ZNF76: variants seen among roughly 807,000 people sequenced by gnomAD.
ZNF76 encodes the protein zinc finger protein 523.
In ZNF76, 66 loss-of-function variants were observed where a neutral mutation model predicts 66.9. The ratio of observed to expected loss-of-function variants is 0.99; its 90% CI spans 0.81 to 1.21. The LOEUF is 1.21. Among genes scored for constraint, ZNF76 ranks in the 50% most tolerant of loss-of-function variants. The pLI is 0.00. For synonymous variants in ZNF76, 275 were observed against 296.1 expected (o/e 0.93, Z 0.73); for missense variants, 729 against 760.3 (o/e 0.96, Z 0.48).
chr6:35,286,245 A>G, intron 3 of ZNF76, 37 bp downstream of exon 3: 1 of 1,613,126 alleles, frequency 6.2e-7, no homozygotes, highest in South Asian at 1.1e-5. Flanking sequence ...TTGTCGAGGG[A>G]AGCCTGACAG....
Position 35,295,297 on chromosome 6 carries a change from A to C in ZNF76, c.*49A>C. 6.7e-7 allele frequency: 1 copy of C among 1,487,378 alleles called. No individual in the cohort carries two copies. The highest frequency in any genetic ancestry group is 9.2e-7 in the Non-Finnish European group (1 of 1,091,184). 92.1% of individuals were successfully genotyped at this position (1,487,378 alleles called of 1,614,324 possible). On this transcript the variant is annotated 3_prime_UTR_variant, in exon 14 of 14. Transcript: ENST00000373953. ...CCATGCTGGAGGAAGTGCCATCTGC[A>C]TGGCCACTCTTGCCCCCAAGGGCCC...
chr6:35,295,391 C>G lies in ZNF76; in HGVS notation c.*143C>G, dbSNP rs1306365034. 1.3e-6 allele frequency: 1 copy of G among 748,890 alleles called. No homozygotes were observed. Among genetic ancestry groups the G allele is most frequent in the Non-Finnish European group, 2.3e-6 (1 of 430,792 alleles). 46.4% of individuals were successfully genotyped at this position (748,890 alleles called of 1,614,324 possible). A position where few individuals can be genotyped will look rare whatever the true frequency, so the allele number is the denominator to read the frequency against. On this transcript the variant is annotated 3_prime_UTR_variant, in exon 14 of 14. Coordinates refer to ENST00000373953, the MANE Select transcript of ZNF76 (RefSeq NM_003427.5). ...GGTGAGAAGACAGCAAGAAAACTGC[C>G]TAACTGAAGGGAATGGGGGCCCTGC...
intron 13 of ZNF76, 27 bp downstream of exon 13, chr6:35,294,596 G>C (rs200254238): frequency 1.3e-5 from 19 of 1,492,752 alleles, no homozygotes; most frequent in Non-Finnish European, 1.8e-5. Context: ...GAGGAAAGGG[G>C]ATCCCACGGC....
In ZNF76 at chr6:35,292,813, A is replaced by T. The variant is rs117241970; in HGVS notation, c.1165+26A>T. On this transcript the variant is annotated intron_variant, in intron 10 of 13. Coordinates refer to ENST00000373953, the MANE Select transcript of ZNF76 (RefSeq NM_003427.5). This position sits in a 1 kb window ranked among gnomAD's most constrained non-coding sequence, Gnocchi z 4.7. Reference sequence around the variant, plus strand: ...GTAAGGGGAGTGGGCAGAGGGTGAGAGTGGGGACAAGCCAGGCCTCCCCAT... The same window carrying T: ...GTAAGGGGAGTGGGCAGAGGGTGAGTGTGGGGACAAGCCAGGCCTCCCCAT... 806 of 1,613,808 alleles carry T rather than the reference A, an allele frequency of 5.0e-4. 7 individuals are homozygous for T. In the East Asian group the frequency reaches 0.014, roughly 27 times the overall value.
intron 12 of ZNF76, 34 bp from the exon 13 acceptor site, chr6:35,294,422 C>G: frequency 4.3e-6 from 6 of 1,394,830 alleles, no homozygotes; most frequent in Non-Finnish European, 5.1e-6. Context: ...GAGTATACTG[C>G]AGGTGGAATG....
intron 4 of ZNF76, 132 bp downstream of exon 4, chr6:35,286,531 A>C (rs1297803513): frequency 1.2e-6 from 1 of 839,610 alleles, no homozygotes; most frequent in African/African-American, 1.7e-5. Context: ...TGGTACACAC[A>C]TGCTCACCTG....
At chr6:35,272,688 A>G (rs545517491) in intron 1 of ZNF76, among the ~76,000 whole-genome samples, 1 of 152,312 alleles carries the variant, frequency 6.6e-6, no homozygotes, top group South Asian at 2.1e-4. Context: ...ACACAGGTTG[A>G]AGTGCAGTGG....
chr6:35,268,728 G>T (rs1027234543), intron 1 of ZNF76, among the ~76,000 whole-genome samples: 8 of 148,716 alleles, frequency 5.4e-5, no homozygotes, highest in Middle Eastern at 3.6e-3. Context: ...AGCCAAGATC[G>T]CACCATTGCT....
At chr6:35,278,246 G>C (rs182516910) in intron 1 of ZNF76, among the ~76,000 whole-genome samples, 7 of 151,992 alleles carry the variant, frequency 4.6e-5, no homozygotes, top group African/African-American at 1.7e-4. Flanking sequence ...TCGGCTCACC[G>C]CAACCTCTGC....
intron 1 of ZNF76, among the ~76,000 whole-genome samples, chr6:35,262,925 C>T (rs1006853414): frequency 6.6e-6 from 1 of 152,132 alleles, no homozygotes; most frequent in African/African-American, 2.4e-5. Flanking sequence ...TTCCACAGGG[C>T]CTCCTCTTCC....
At chr6:35,291,212 G>A (rs1790325582) in intron 7 of ZNF76, 66 bp from the exon 8 acceptor site, 1 of 1,549,660 alleles carries the variant, frequency 6.5e-7, no homozygotes, top group South Asian at 1.2e-5. Context: ...TGTGCATGAG[G>A]TGGACGGTGG....
chr6:35,292,424 G>C lies in ZNF76; in HGVS notation c.932-130G>C, dbSNP rs895156697. ...CATCTTCCCCAACCCTGTCCATTCA[G>C]AGTCTCAGGTCTCAGTCCCTCTCCC... On this transcript the variant is annotated intron_variant, in intron 9 of 13. Coordinates refer to ENST00000373953, the MANE Select transcript of ZNF76 (RefSeq NM_003427.5). This position sits in a 1 kb window ranked among gnomAD's most constrained non-coding sequence, Gnocchi z 4.7. 1.7e-5 allele frequency: 15 copies of C among 878,080 alleles called. No individual in the cohort carries two copies. In the Admixed American group the frequency reaches 3.1e-4, roughly 18 times the overall value. 54.4% of individuals were successfully genotyped at this position (878,080 alleles called of 1,614,324 possible). A position where few individuals can be genotyped will look rare whatever the true frequency, so the allele number is the denominator to read the frequency against.
At chr6:35,267,841 A>C (rs1299710054) in intron 1 of ZNF76, among the ~76,000 whole-genome samples, 4 of 152,214 alleles carry the variant, frequency 2.6e-5, no homozygotes, top group African/African-American at 9.6e-5. Context: ...AAAGTCATCC[A>C]CTTAGCTGGA....
intron 1 of ZNF76, among the ~76,000 whole-genome samples, chr6:35,261,628 C>T (rs1274009021): frequency 6.6e-6 from 1 of 152,192 alleles, no homozygotes; most frequent in Admixed American, 6.5e-5. Flanking sequence ...ACTCCATTGC[C>T]TGTCTTTCCC....
At chr6:35,273,049 T>C (rs1787344919) in intron 1 of ZNF76, among the ~76,000 whole-genome samples, 1 of 151,668 alleles carries the variant, frequency 6.6e-6, no homozygotes, top group Non-Finnish European at 1.5e-5. Context: ...CCAGCTACTC[T>C]GGAGGCTGGG....
chr6:35,292,292 T>A lies in ZNF76; in HGVS notation c.932-262T>A. On this transcript the variant is annotated intron_variant, in intron 9 of 13. Transcript: ENST00000373953. This position sits in a 1 kb window ranked among gnomAD's most constrained non-coding sequence, Gnocchi z 4.7. ...CAACCTTATAAGCCCCAGTGCCCCC[T>A]ACCAGCCCCTTCACTAGCCCCAGCC... is the stretch of plus-strand genomic sequence containing the variant. 2.9e-5 allele frequency: 14 copies of A among 486,012 alleles called. No individual in the cohort carries two copies. The highest frequency in any genetic ancestry group is 7.5e-5 in the East Asian group (2 of 26,602). The allele number at this position is 486,012 out of a possible 1,614,324, so 30.1% of individuals were successfully genotyped here. A position where few individuals can be genotyped will look rare whatever the true frequency, so the allele number is the denominator to read the frequency against.
At chr6:35,265,717 GTGCCCTATATA>G (rs1428499119) in intron 1 of ZNF76, among the ~76,000 whole-genome samples, 1 of 152,034 alleles carries the variant, frequency 6.6e-6, no homozygotes, top group African/African-American at 2.4e-5. Flanking sequence ...AGGCAGGAAT[GTGCCCTATATA>G]TTCAAGAAAC....
At chr6:35,294,269 G>A (rs979355097) in intron 12 of ZNF76, 187 bp from the exon 13 acceptor site, 7 of 595,126 alleles carry the variant, frequency 1.2e-5, no homozygotes, top group Non-Finnish European at 1.5e-5. Flanking sequence ...ATTAAATTGG[G>A]CTCTAAGTTG....
intron 4 of ZNF76, among the ~76,000 whole-genome samples, chr6:35,286,966 G>A (rs928067282): frequency 2.6e-5 from 4 of 152,182 alleles, no homozygotes; most frequent in Non-Finnish European, 4.4e-5. Context: ...GGGCTTCTCT[G>A]AGGTAGTGAT....
Sources: allele counts gnomAD v4.1 joint callset (sites outside exome capture counted in the v4.1 genomes callset), GRCh38; gene constraint gnomAD v4.1.1; non-coding constraint Gnocchi (gnomAD v3.1); transcripts MANE v1.5; gene names NCBI Gene and HGNC (gene_info 2026-07-23, HGNC 2026-07-21).